ABCA9: variants seen among roughly 807,000 people sequenced by gnomAD.
ABCA9 encodes ATP-binding cassette sub-family A member 9.
In ABCA9, 183 loss-of-function variants were observed where a neutral mutation model predicts 205.3. The observed-to-expected ratio is 0.89, with a 90% CI of 0.79 to 1.01. The LOEUF is 1.01. Among genes scored for constraint, ABCA9 ranks in the 50% least tolerant of loss-of-function variants. The pLI is 0.00. For missense variants in ABCA9, 1,805 were observed against 1,912.4 expected, an observed-to-expected ratio of 0.94 and a Z score of 1.05; for synonymous variants, 651 against 683.3, an observed-to-expected ratio of 0.95 and a Z score of 0.74.
At chr17:68,981,581 A>G (rs763474402) in intron 37 of ABCA9, among the ~76,000 whole-genome samples, 2 of 152,112 alleles carry the variant, frequency 1.3e-5, no homozygotes, top group African/African-American at 2.4e-5. Context: ...AAGTGAAACA[A>G]AAACCTATTT....
At chr17:69,045,946 T>C (rs1364064990) in intron 3 of ABCA9, among the ~76,000 whole-genome samples, 1 of 152,050 alleles carries the variant, frequency 6.6e-6, no homozygotes, top group Non-Finnish European at 1.5e-5. Context: ...CCAAACCATA[T>C]CAAACAATAA....
Position 69,020,420 on chromosome 17 carries a change from C to G in ABCA9, c.2568G>C (p.Lys856Asn). Reference sequence around the variant, plus strand: ...ACAGGCTTTTTCTTTCTTTCTTTAACTTTAGGAAGCGAACTTTTGCTATTG... The same window carrying G: ...ACAGGCTTTTTCTTTCTTTCTTTAAGTTTAGGAAGCGAACTTTTGCTATTG... ...VCAIAKVRFL[K>N]LKKERKSLWT... Residue 856 changes from lysine (K) to asparagine (N), a missense_variant, in exon 19 of 39, where the codon AAG (lysine) becomes AAC (asparagine). Transcript: ENST00000340001. 6.2e-7 allele frequency: 1 copy of G among 1,613,844 alleles called. No homozygotes were observed. The highest frequency in any genetic ancestry group is 8.5e-7 in the Non-Finnish European group (1 of 1,179,846).
At chr17:69,017,556 T>G in intron 21 of ABCA9, 100 bp downstream of exon 21, 1 of 1,328,422 alleles carries the variant, frequency 7.5e-7, no homozygotes, top group East Asian at 2.4e-5. Context: ...ATCCCATTTG[T>G]TTGTGTGAAA....
chr17:69,062,916 CTTT>C (rs35124943), upstream of ABCA9, among the ~76,000 whole-genome samples: 2 of 151,978 alleles, frequency 1.3e-5, no homozygotes, highest in Non-Finnish European at 2.9e-5. Context: ...ATAATGTACA[CTTT>C]TTTTGGCAAC....
intron 20 of ABCA9, 98 bp downstream of exon 20, chr17:69,018,315 C>A (rs1246904870): frequency 8.0e-6 from 9 of 1,126,864 alleles, no homozygotes; most frequent in Non-Finnish European, 9.7e-6. Flanking sequence ...CTTTCTAAAA[C>A]ATACAGAGTT....
chr17:69,078,363 T>C, the ABCA9 span, among the ~76,000 whole-genome samples: 2 of 152,126 alleles, frequency 1.3e-5, no homozygotes, highest in Non-Finnish European at 2.9e-5. Context: ...AACGCCCGGC[T>C]AATTTTTGTA....
chr17:69,050,104 G>A (rs976929924), intron 2 of ABCA9, among the ~76,000 whole-genome samples: 3 of 151,850 alleles, frequency 2.0e-5, no homozygotes, highest in Admixed American at 1.3e-4. Context: ...TTCATCATAT[G>A]ATCCTTTTTT....
At chr17:69,018,811 A>T (rs2070723290) in intron 19 of ABCA9, among the ~76,000 whole-genome samples, 1 of 152,044 alleles carries the variant, frequency 6.6e-6, no homozygotes, top group African/African-American at 2.4e-5. Flanking sequence ...CTTCGGGTTT[A>T]TGAAGTCTGT....
chr17:69,048,068 C>T (rs890337934), intron 3 of ABCA9, among the ~76,000 whole-genome samples: 5 of 152,150 alleles, frequency 3.3e-5, no homozygotes, highest in Admixed American at 2.0e-4. Flanking sequence ...GGGGGGAAAA[C>T]CCCTTATAAA....
Position 69,049,282 on chromosome 17 carries a change from C to A in ABCA9, c.304+1G>T, listed in dbSNP as rs145025583. ...TTACTATGAACAACCAGGGAACATA[C>A]CTTTTAGGAATGGGGCTGAAGCCAC... On this transcript the variant is annotated splice_donor_variant, in intron 3 of 38. Transcript: ENST00000340001. LOFTEE classifies it high-confidence loss of function. 4 of 1,607,888 alleles carry A rather than the reference C, an allele frequency of 2.5e-6. No individual in the cohort carries two copies. The highest frequency in any genetic ancestry group is 1.6e-4 in the Middle Eastern group (1 of 6,062).
At chr17:69,076,332 G>T in the ABCA9 span, among the ~76,000 whole-genome samples, 1 of 152,082 alleles carries the variant, frequency 6.6e-6, no homozygotes, top group Non-Finnish European at 1.5e-5. Flanking sequence ...ATTGATTTGT[G>T]TATGTTGAAC....
intron 20 of ABCA9, 175 bp downstream of exon 20, chr17:69,018,238 C>A: frequency 1.8e-6 from 1 of 554,358 alleles, no homozygotes; most frequent in South Asian, 4.2e-5. Flanking sequence ...GAATCTATTT[C>A]TAAAACAAAC....
At chr17:69,043,032 C>T in intron 6 of ABCA9, 1 of 170,204 alleles carries the variant, frequency 5.9e-6, no homozygotes. Context: ...AGTAGGAACC[C>T]TGAGCTTGTT....
the ABCA9 span, among the ~76,000 whole-genome samples, chr17:69,066,708 G>C: frequency 2.6e-4 from 40 of 152,168 alleles, no homozygotes; most frequent in Non-Finnish European, 5.0e-4. Flanking sequence ...CCGTCCTCAG[G>C]GTTAAGATTT....
intron 37 of ABCA9, among the ~76,000 whole-genome samples, chr17:68,982,325 T>C (rs2069083078): frequency 6.6e-6 from 1 of 152,132 alleles, no homozygotes. Flanking sequence ...ATCCCTGGCC[T>C]CCACCCACTA....
rs142538535 is a variant in ABCA9, at chr17:68,983,727, T to G, written c.4622A>C (p.Gln1541Pro). The G allele has an allele frequency of 6.2e-7, 1 of 1,614,086 alleles. No individual in the cohort carries two copies. Among genetic ancestry groups the G allele is most frequent in the Non-Finnish European group, 8.5e-7 (1 of 1,180,020 alleles). ...LHAEILRLFP[Q>P]AAQQERFSSL... is the part of the protein sequence containing the mutation. ...TGTCTACCTTTCCTGCTGAGCAGCCTGGGGGAAAAGCCTCAGGATCTCTGC... is the reference window on the plus strand; with the variant it reads ...TGTCTACCTTTCCTGCTGAGCAGCCGGGGGGAAAAGCCTCAGGATCTCTGC... Residue 1541 changes from glutamine to proline, a missense_variant, in exon 36 of 39, where the codon CAG becomes CCG. Physicochemically the swap from Gln to Pro is moderately conservative, Grantham distance 76. Coordinates refer to ENST00000340001, the MANE Select transcript of ABCA9 (RefSeq NM_080283.4).
intron 3 of ABCA9, among the ~76,000 whole-genome samples, chr17:69,046,246 T>C (rs954353920): frequency 2.1e-4 from 32 of 152,300 alleles, no homozygotes; most frequent in Admixed American, 5.9e-4. Flanking sequence ...AAATATGTAG[T>C]GTAAATGGCT....
chr17:69,069,614 G>C, the ABCA9 span, among the ~76,000 whole-genome samples: 3 of 151,644 alleles, frequency 2.0e-5, no homozygotes, highest in African/African-American at 4.8e-5. Flanking sequence ...TCTTTTACAA[G>C]GGGTGTGTTA....
intron 16 of ABCA9, 147 bp from the exon 17 acceptor site, chr17:69,024,500 A>C: frequency 1.4e-6 from 1 of 734,308 alleles, no homozygotes; most frequent in Non-Finnish European, 2.1e-6. Context: ...ATGTAAAACT[A>C]CTAATAAAGT....
Sources: gnomAD v4.1 joint callset for allele counts (sites outside exome capture counted in the v4.1 genomes callset) on GRCh38, gnomAD v4.1.1 for gene constraint, MANE v1.5 for transcripts, NCBI Gene and HGNC (gene_info 2026-07-23, HGNC 2026-07-21) for gene names.